Variants in METTL9 observed in about 807,000 individuals in gnomAD.
METTL9 encodes protein-L-histidine N-pros-methyltransferase.
A neutral mutation model predicts 36.0 loss-of-function variants in METTL9; 10 were observed. The observed-to-expected ratio is 0.28, with a 90% confidence interval of 0.17 to 0.47. The LOEUF is 0.47. Ranked by LOEUF, METTL9 falls within the 20% of genes least tolerant of loss-of-function variation. The pLI is 0.99. For missense variants in METTL9, 246 were observed against 383.5 expected (o/e 0.64, Z 3.00); for synonymous variants, 175 against 149.7 (o/e 1.17, Z -1.23).
At chr16:21,625,494 G>C (rs1396211332) in intron 4 of METTL9, among the ~76,000 whole-genome samples, 2 of 152,120 alleles carry the variant, frequency 1.3e-5, no homozygotes, top group Non-Finnish European at 2.9e-5. Flanking sequence ...GAATGTCATG[G>C]CTGTTTTGTT....
At chr16:21,599,137 C>G (rs1172709562), upstream of METTL9, among the ~76,000 whole-genome samples, 1 of 152,144 alleles carries the variant, frequency 6.6e-6, no homozygotes, top group Non-Finnish European at 1.5e-5. This position sits in a 1 kb window ranked among gnomAD's most constrained non-coding sequence, Gnocchi z 4.4. Context: ...CTTTGCGCCC[C>G]CGGGGTTAAC....
intron 1 of METTL9, among the ~76,000 whole-genome samples, chr16:21,611,840 A>G (rs1965433482): frequency 6.6e-6 from 1 of 152,144 alleles, no homozygotes; most frequent in Non-Finnish European, 1.5e-5. Flanking sequence ...ATGCTGACTC[A>G]TTTATTATGA....
rs147332474 is a variant in METTL9, at chr16:21,627,948, A to G, written c.751+2833A>G. 8.8e-3 allele frequency among the ~76,000 whole-genome samples: 1,347 copies of G among 152,220 alleles called. 47 individuals carry two copies. The highest frequency in any genetic ancestry group is 0.083 in the East Asian group (430 of 5,190). On this transcript the variant is annotated intron_variant, in intron 4 of 4. Transcript: ENST00000358154. The stretch of plus-strand genomic sequence containing the variant: ...AGCCTGGGTGACAGAGCCAGACTCC[A>G]TCTCAAAAAACAAACAAAACAAAAA...
At chr16:21,599,398 G>C, upstream of METTL9, 2 of 1,079,532 alleles carry the variant, frequency 1.9e-6, no homozygotes, top group Non-Finnish European at 2.2e-6. This position sits in a 1 kb window ranked among gnomAD's most constrained non-coding sequence, Gnocchi z 4.4. Flanking sequence ...GCTCCGGGCG[G>C]ATGCGCGCTC....
chr16:21,606,425 G>A (rs1216024701), intron 1 of METTL9, among the ~76,000 whole-genome samples: 1 of 152,076 alleles, frequency 6.6e-6, no homozygotes, highest in Non-Finnish European at 1.5e-5. Flanking sequence ...TGGAAGAGGT[G>A]CATAGGGTGA....
intron 2 of METTL9, among the ~76,000 whole-genome samples, chr16:21,613,409 C>T (rs1206974673): frequency 6.6e-6 from 1 of 151,788 alleles, no homozygotes; most frequent in African/African-American, 2.4e-5. Context: ...CTCTAACTGA[C>T]CTCAAGTGAT....
intron 4 of METTL9, among the ~76,000 whole-genome samples, chr16:21,634,892 T>C (rs1344169868): frequency 6.6e-6 from 1 of 152,192 alleles, no homozygotes; most frequent in Non-Finnish European, 1.5e-5. Flanking sequence ...TTAGTCCTTC[T>C]AGAACACAGG....
At chr16:21,630,024 A>G (rs1366799250) in intron 4 of METTL9, among the ~76,000 whole-genome samples, 1 of 152,194 alleles carries the variant, frequency 6.6e-6, no homozygotes, top group Non-Finnish European at 1.5e-5. Context: ...CATTAGCTAG[A>G]CACAGAGTGC....
rs1467739391 is a variant in METTL9 at position 21,617,584 on chromosome 16, C to A, written c.357-281C>A. Among the ~76,000 whole-genome samples the A allele has an allele frequency of 4.0e-5, 6 of 149,582 alleles. No individual in the cohort carries two copies. The East Asian group carries it at 1.2e-3, about 30-fold the overall frequency. On this transcript the variant is annotated intron_variant, in intron 2 of 4. Transcript: ENST00000358154. ...CTCCACTAAAAATACAAAAAATAAG[C>A]CGGGTGTGGTGGTGCATGCCTGTAA... is the stretch of plus-strand genomic sequence containing the variant.
At position 21,613,168 on chromosome 16, in the gene METTL9, C is replaced by CTTTTTTTTTTTTTTTTT. The variant is rs57388340; in HGVS notation, c.356+353_356+369dup. Among the ~76,000 whole-genome samples, 9 of 91,420 alleles carry CTTTTTTTTTTTTTTTTT rather than the reference C, an allele frequency of 9.8e-5. 1 individual carries two copies. The East Asian group carries it at 1.4e-3, about 14-fold the overall frequency. The allele number at this position is 91,420 out of a possible 152,430, so 60.0% of individuals were successfully genotyped here. A position where few individuals can be genotyped will look rare whatever the true frequency, so the allele number is the denominator to read the frequency against. ...ATCAGGGGCTAGGTCTGAGAGTCTGCTTTTTTTTTTTTTTTTTTTTTTTTT... is the reference window on the plus strand; with the variant it reads ...ATCAGGGGCTAGGTCTGAGAGTCTGCTTTTTTTTTTTTTTTTTTTTTTTTTTTTTTTTTTTTTTTTTT... On this transcript the variant is annotated intron_variant, in intron 2 of 4. Transcript: ENST00000358154.
chr16:21,634,393 C>T (rs908745015), intron 4 of METTL9, among the ~76,000 whole-genome samples: 1 of 152,156 alleles, frequency 6.6e-6, no homozygotes, highest in Non-Finnish European at 1.5e-5. Flanking sequence ...CCAGTGATTG[C>T]CCCAGCATAG....
chr16:21,654,607 CTCTCTGG>C (rs1966663424), intron 4 of METTL9: 1 of 152,884 alleles, frequency 6.5e-6, no homozygotes, highest in African/African-American at 2.4e-5. Context: ...TGTTCCATCT[CTCTCTGG>C]TCCTGGAGCT....
intron 3 of METTL9, among the ~76,000 whole-genome samples, chr16:21,621,095 C>G (rs1034657473): frequency 6.6e-6 from 1 of 151,944 alleles, no homozygotes; most frequent in Non-Finnish European, 1.5e-5. Flanking sequence ...TCAGCCTCCT[C>G]AGTAGCTGGG....
chr16:21,597,219 A>G (rs1218915170), upstream of METTL9: 4 of 1,270,940 alleles, frequency 3.1e-6, no homozygotes, highest in South Asian at 1.2e-5. Context: ...TTTGTAATTC[A>G]GGAGGCTCTC....
rs983194036 is a variant in METTL9, at chr16:21,599,617, G to A, written c.-117G>A. 1.5e-5 allele frequency: 20 copies of A among 1,332,826 alleles called. No individual in the cohort carries two copies. Among genetic ancestry groups the A allele is most frequent in the Non-Finnish European group, 3.8e-6 (4 of 1,050,278 alleles). 82.6% of individuals were successfully genotyped at this position (1,332,826 alleles called of 1,614,324 possible). A position where few individuals can be genotyped will look rare whatever the true frequency, so the allele number is the denominator to read the frequency against. On this transcript the variant is annotated 5_prime_UTR_variant, in exon 1 of 5. Transcript: ENST00000358154. This position sits in a 1 kb window ranked among gnomAD's most constrained non-coding sequence, Gnocchi z 4.4. The stretch of plus-strand genomic sequence containing the variant: ...CTTTGCCCTGAAGGGGGCTGGATGG[G>A]CAAGGCGGCCGCGATGGCTCGAGCT...
At chr16:21,613,210 C>T (rs1322429051) in intron 2 of METTL9, among the ~76,000 whole-genome samples, 1 of 107,998 alleles carries the variant, frequency 9.3e-6, no homozygotes, top group Non-Finnish European at 1.7e-5. Context: ...TTTTTAAAGA[C>T]AGTCCTGCTC....
chr16:21,614,406 A>G (rs1279450518), intron 2 of METTL9, among the ~76,000 whole-genome samples: 2 of 152,022 alleles, frequency 1.3e-5, no homozygotes, highest in East Asian at 1.9e-4. Context: ...CCTTTCCTCT[A>G]CCCATAAGAC....
intron 1 of METTL9, among the ~76,000 whole-genome samples, chr16:21,611,647 G>A (rs924788092): frequency 3.3e-5 from 5 of 152,146 alleles, no homozygotes; most frequent in Admixed American, 2.6e-4. Context: ...GCATTATCTT[G>A]TTTAATCCTC....
At chr16:21,654,404 A>G (rs1966658840) in intron 4 of METTL9, 1 of 152,138 alleles carries the variant, frequency 6.6e-6, no homozygotes. Flanking sequence ...ATAGCACCTA[A>G]AAAGTACCCC....
Sources: gnomAD v4.1 joint callset for allele counts (sites outside exome capture counted in the v4.1 genomes callset) on GRCh38, gnomAD v4.1.1 for gene constraint, Gnocchi (gnomAD v3.1) non-coding constraint, MANE v1.5 for transcripts, NCBI Gene and HGNC (gene_info 2026-07-23, HGNC 2026-07-21) for gene names.